The following SLC10A7 variants were observed in gnomAD, a reference collection of about 807,000 sequenced individuals.
SLC10A7 encodes solute carrier family 10 member 7.
Under a neutral mutation model 43.2 loss-of-function variants are expected in SLC10A7, and 29 were observed. The observed-to-expected ratio is 0.67, with a 90% confidence interval of 0.50 to 0.92. The LOEUF is 0.92. Among genes scored for constraint, SLC10A7 ranks in the 40% least tolerant of loss-of-function variants. The probability of loss-of-function intolerance (pLI) is 0.00; values close to 1 mark genes in which losing one functional copy is unlikely to be tolerated. For missense variants in SLC10A7, 295 were observed against 403.2 expected (o/e 0.73, Z 2.30); for synonymous variants, 152 against 144.8 (o/e 1.05, Z -0.35).
chr4:146,434,496 C>A (rs541384413), intron 5 of SLC10A7, among the ~76,000 whole-genome samples: 34 of 152,132 alleles, frequency 2.2e-4, no homozygotes, highest in Non-Finnish European at 4.1e-4. Flanking sequence ...GGAGTTGTAA[C>A]AAAAAGTAGC....
chr4:146,450,096 AAAACAAAC>A (rs138415715), intron 4 of SLC10A7, among the ~76,000 whole-genome samples: 9 of 151,878 alleles, frequency 5.9e-5, no homozygotes, highest in Non-Finnish European at 7.4e-5. Flanking sequence ...TAGCTGAGCT[AAAACAAAC>A]AAACAAACAA....
rs1279633664 is a variant in SLC10A7, at chr4:146,441,575, C to T, written c.435+1208G>A. On this transcript the variant is annotated intron_variant, in intron 5 of 11. Transcript: ENST00000335472. ...GTTTTACAGATATTATTCTATTAAA[C>T]AATTGTGACAACGTATAGAATAATA... is the stretch of plus-strand genomic sequence containing the variant. The T allele has an allele frequency of 1.0e-5, 7 of 690,394 alleles. No homozygotes were observed. In the East Asian group the frequency reaches 5.4e-4, roughly 53 times the overall value. The allele number at this position is 690,394 out of a possible 1,614,324, so 42.8% of individuals were successfully genotyped here.
chr4:146,492,570 C>T (rs1220478371), intron 4 of SLC10A7, among the ~76,000 whole-genome samples: 2 of 152,086 alleles, frequency 1.3e-5, no homozygotes, highest in African/African-American at 4.8e-5. Flanking sequence ...TGGGGTTTTG[C>T]CATGTCACCC....
chr4:146,454,182 A>G (rs917275756), intron 4 of SLC10A7, among the ~76,000 whole-genome samples: 14 of 151,946 alleles, frequency 9.2e-5, no homozygotes, highest in African/African-American at 3.1e-4. Flanking sequence ...ACAGGTTCAC[A>G]ATAACAATAC....
chr4:146,372,744 G>A (rs1296336438), intron 5 of SLC10A7, among the ~76,000 whole-genome samples: 1 of 152,124 alleles, frequency 6.6e-6, no homozygotes, highest in Non-Finnish European at 1.5e-5. Flanking sequence ...GCATAAAGGA[G>A]CAGGGAATGG....
intron 5 of SLC10A7, among the ~76,000 whole-genome samples, chr4:146,371,690 T>G (rs919142325): frequency 5.9e-5 from 9 of 152,218 alleles, no homozygotes; most frequent in Non-Finnish European, 1.2e-4. Context: ...TACCTGGTGC[T>G]TCTCTTCTTG....
At chr4:146,510,129 A>G in intron 2 of SLC10A7, 80 bp from the exon 3 acceptor site, 1 of 1,355,206 alleles carries the variant, frequency 7.4e-7, no homozygotes, top group Non-Finnish European at 9.9e-7. Context: ...ATAACATCAC[A>G]TGAGTTAGTT....
At chr4:146,424,767 C>T (rs188904585) in intron 5 of SLC10A7, among the ~76,000 whole-genome samples, 44 of 152,032 alleles carry the variant, frequency 2.9e-4, no homozygotes, top group South Asian at 1.0e-3. Context: ...CTTTCAGGCT[C>T]AGGCATTTCT....
At chr4:146,283,559 G>T (rs966242894) in intron 9 of SLC10A7, among the ~76,000 whole-genome samples, 6 of 152,028 alleles carry the variant, frequency 3.9e-5, no homozygotes, top group Non-Finnish European at 1.5e-5. Flanking sequence ...ATGCAACAAG[G>T]AACTCTAAGT....
chr4:146,514,917 T>C, intron 2 of SLC10A7: 1 of 546,698 alleles, frequency 1.8e-6, no homozygotes, highest in South Asian at 2.6e-5. Flanking sequence ...TGTATTCTTT[T>C]GAAAAGGGCT....
intron 5 of SLC10A7, among the ~76,000 whole-genome samples, chr4:146,379,707 G>A (rs1737464076): frequency 6.6e-6 from 1 of 152,134 alleles, no homozygotes; most frequent in Admixed American, 6.6e-5. Flanking sequence ...CTAAATCAGT[G>A]TATTCCTCCT....
At chr4:146,368,037 C>T (rs537521655) in intron 5 of SLC10A7, among the ~76,000 whole-genome samples, 11 of 152,202 alleles carry the variant, frequency 7.2e-5, no homozygotes, top group South Asian at 4.2e-4. Flanking sequence ...GGAACAATCC[C>T]GAAAGCTCTG....
chr4:146,322,468 T>C (rs2149702540), intron 6 of SLC10A7, among the ~76,000 whole-genome samples: 1 of 148,540 alleles, frequency 6.7e-6, no homozygotes, highest in South Asian at 2.2e-4. Flanking sequence ...GAACATGCGG[T>C]GTTTGGTTTT....
intron 10 of SLC10A7, among the ~76,000 whole-genome samples, chr4:146,264,807 A>AT (rs1005684262): frequency 8.9e-4 from 135 of 152,190 alleles, no homozygotes; most frequent in African/African-American, 3.1e-3. Context: ...AATTCTGTAG[A>AT]TTTTTTTCCT....
intron 5 of SLC10A7, among the ~76,000 whole-genome samples, chr4:146,358,727 T>C (rs1441667860): frequency 1.3e-5 from 2 of 152,334 alleles, no homozygotes; most frequent in East Asian, 3.9e-4. Context: ...TCATATTTTG[T>C]TGTAATGTAT....
At chr4:146,416,710 C>T (rs1447379039) in intron 5 of SLC10A7, among the ~76,000 whole-genome samples, 1 of 152,158 alleles carries the variant, frequency 6.6e-6, no homozygotes, top group East Asian at 1.9e-4. Context: ...CAAATGTCTT[C>T]CCATCTCATT....
intron 5 of SLC10A7, among the ~76,000 whole-genome samples, chr4:146,425,991 A>C (rs1729324641): frequency 6.6e-6 from 1 of 152,248 alleles, no homozygotes; most frequent in Non-Finnish European, 1.5e-5. Context: ...GAGAGAATGC[A>C]TCAAGCCAAG....
At chr4:146,445,653 C>A (rs555002288) in intron 4 of SLC10A7, among the ~76,000 whole-genome samples, 1 of 152,032 alleles carries the variant, frequency 6.6e-6, no homozygotes. Flanking sequence ...TCTTGTCAGG[C>A]GTCCAGGAAA....
intron 10 of SLC10A7, among the ~76,000 whole-genome samples, chr4:146,270,100 C>T (rs1728803457): frequency 2.0e-5 from 3 of 152,084 alleles, no homozygotes; most frequent in Admixed American, 2.0e-4. Flanking sequence ...GTTCTTAGAT[C>T]CATGTCTCTT....
Sources: gnomAD v4.1 joint callset for allele counts (sites outside exome capture counted in the v4.1 genomes callset) on GRCh38, gnomAD v4.1.1 for gene constraint, MANE v1.5 for transcripts, NCBI Gene and HGNC (gene_info 2026-07-23, HGNC 2026-07-21) for gene names.